The following METTL9 variants were observed in gnomAD, a reference collection of about 807,000 sequenced individuals.
METTL9 encodes the protein protein-L-histidine N-pros-methyltransferase.
A neutral mutation model predicts 36.0 loss-of-function variants in METTL9; 10 were observed. That is an observed-to-expected ratio of 0.28 (90% CI 0.17 to 0.47). The LOEUF (loss-of-function observed/expected upper bound fraction) is 0.47. Among genes scored for constraint, METTL9 ranks in the 20% least tolerant of loss-of-function variants. The pLI, the probability that METTL9 is intolerant of heterozygous loss-of-function variation, is 0.99. For synonymous variants in METTL9, 175 were observed against 149.7 expected (o/e 1.17, Z -1.23); for missense variants, 246 against 383.5 (o/e 0.64, Z 3.00).
chr16:21,607,106 G>A (rs1315452513), intron 1 of METTL9, among the ~76,000 whole-genome samples: 1 of 145,334 alleles, frequency 6.9e-6, no homozygotes, highest in African/African-American at 2.6e-5. Flanking sequence ...TGACAGTCTT[G>A]CTTTGTCGCC....
rs1430089335 is a variant in METTL9, at chr16:21,655,084, C to G, written c.752-143C>G. On this transcript the variant is annotated intron_variant, in intron 4 of 4. Transcript: ENST00000358154. ...ATCTGCCCACCTGTCTCAAAGAGTACCTGGGAAGTACAAAAGAGGTAACTC... is the reference window on the plus strand; with the variant it reads ...ATCTGCCCACCTGTCTCAAAGAGTAGCTGGGAAGTACAAAAGAGGTAACTC... 4 of 686,900 alleles carry G rather than the reference C, an allele frequency of 5.8e-6. No individual in the cohort carries two copies. The East Asian group carries it at 1.1e-4, about 19-fold the overall frequency. The allele number at this position is 686,900 out of a possible 1,614,324, so 42.6% of individuals were successfully genotyped here.
intron 4 of METTL9, chr16:21,644,321 C>T: frequency 6.2e-7 from 1 of 1,613,846 alleles, no homozygotes; most frequent in Non-Finnish European, 8.5e-7. Flanking sequence ...CACGCACACA[C>T]CGGTCACATA....
chr16:21,611,232 A>G (rs1735658290), intron 1 of METTL9, among the ~76,000 whole-genome samples: 1 of 152,214 alleles, frequency 6.6e-6, no homozygotes, highest in Non-Finnish European at 1.5e-5. Context: ...GAGTTTGTAA[A>G]ATGATTAATC....
At chr16:21,629,691 C>T (rs746779758) in intron 4 of METTL9, among the ~76,000 whole-genome samples, 1 of 152,152 alleles carries the variant, frequency 6.6e-6, no homozygotes, top group East Asian at 1.9e-4. Flanking sequence ...AGATTTATTG[C>T]AAAGAACGAA....
At chr16:21,643,697 T>C (rs550005068) in intron 4 of METTL9, 4 of 742,866 alleles carry the variant, frequency 5.4e-6, no homozygotes, top group African/African-American at 5.4e-5. Flanking sequence ...AACTTAATAT[T>C]TAAGTGATAT....
chr16:21,638,009 C>T (rs1440346525), intron 4 of METTL9, among the ~76,000 whole-genome samples: 1 of 152,124 alleles, frequency 6.6e-6, no homozygotes, highest in African/African-American at 2.4e-5. Context: ...ATAGGAAACC[C>T]AAATCTAAAC....
intron 4 of METTL9, chr16:21,641,214 T>G: frequency 5.3e-6 from 1 of 188,542 alleles, no homozygotes; most frequent in Non-Finnish European, 1.1e-5. Context: ...CTGAGGCACA[T>G]GGTTTGGCTT....
At chr16:21,612,394 C>T (rs1036713237) in intron 1 of METTL9, 3 of 328,388 alleles carry the variant, frequency 9.1e-6, no homozygotes, top group Non-Finnish European at 1.6e-5. Context: ...AGCCTCTCCA[C>T]CCTTCCCTCA....
chr16:21,633,775 T>C (rs1197333188), intron 4 of METTL9, among the ~76,000 whole-genome samples: 1 of 152,208 alleles, frequency 6.6e-6, no homozygotes, highest in Non-Finnish European at 1.5e-5. Flanking sequence ...GCCTTGAGCT[T>C]TTAAATGTTT....
intron 4 of METTL9, chr16:21,646,812 T>TG: frequency 2.8e-6 from 1 of 356,898 alleles, no homozygotes; most frequent in East Asian, 7.2e-5. Context: ...CATGCCACCA[T>TG]GCGCGGCTAA....
chr16:21,636,378 G>A (rs1966092812), intron 4 of METTL9, among the ~76,000 whole-genome samples: 1 of 152,192 alleles, frequency 6.6e-6, no homozygotes, highest in South Asian at 2.1e-4. Context: ...GACTCCTGGA[G>A]TTTATACTAG....
At chr16:21,626,810 G>C (rs1013102589) in intron 4 of METTL9, 2 of 337,736 alleles carry the variant, frequency 5.9e-6, no homozygotes, top group Non-Finnish European at 8.4e-6. Context: ...CTGGGTTCCT[G>C]TGTCCTGTTG....
intron 4 of METTL9, among the ~76,000 whole-genome samples, chr16:21,628,538 G>T (rs1465361564): frequency 6.6e-6 from 1 of 152,010 alleles, no homozygotes; most frequent in Non-Finnish European, 1.5e-5. Context: ...CTGTTGCCCA[G>T]ACGGGAGTGC....
At chr16:21,616,240 C>G (rs1020942261) in intron 2 of METTL9, among the ~76,000 whole-genome samples, 1 of 152,128 alleles carries the variant, frequency 6.6e-6, no homozygotes, top group African/African-American at 2.4e-5. Flanking sequence ...AAACTGTTTT[C>G]TAGGGTCTGA....
At position 21,599,959 on chromosome 16, in the gene METTL9, C is replaced by T; in HGVS notation, c.165+61C>T. 1 of 1,263,120 alleles carries T rather than the reference C, an allele frequency of 7.9e-7. No individual in the cohort carries two copies. Among genetic ancestry groups the T allele is most frequent in the Non-Finnish European group, 9.9e-7 (1 of 1,005,450 alleles). The allele number at this position is 1,263,120 out of a possible 1,614,324, so 78.2% of individuals were successfully genotyped here. A position where few individuals can be genotyped will look rare whatever the true frequency, so the allele number is the denominator to read the frequency against. On this transcript the variant is annotated intron_variant, in intron 1 of 4. Coordinates refer to ENST00000358154, the MANE Select transcript of METTL9 (RefSeq NM_016025.5). The surrounding 1 kb of genome is among the most constrained non-coding windows in gnomAD (Gnocchi z 4.4). ...GCGGCCCGGCCTTCCCGCGCTGGGC[C>T]CGGCTATTGTGCGGGACGGCTCCGC...
chr16:21,652,470 A>AT, intron 4 of METTL9: 7 of 1,282,456 alleles, frequency 5.5e-6, no homozygotes, highest in Non-Finnish European at 7.9e-6. Context: ...ATATAAATGC[A>AT]TTAGGTGAAA....
intron 1 of METTL9, among the ~76,000 whole-genome samples, chr16:21,606,665 G>T (rs1205710516): frequency 2.0e-5 from 3 of 152,034 alleles, no homozygotes; most frequent in Admixed American, 6.5e-5. Context: ...AAGCTGTCTG[G>T]GTCTCCCACC....
chr16:21,645,703 T>G (rs570351574), intron 4 of METTL9, among the ~76,000 whole-genome samples: 19 of 152,316 alleles, frequency 1.2e-4, no homozygotes, highest in African/African-American at 4.6e-4. Context: ...ACCTTCATCT[T>G]TTTACAAGCC....
At chr16:21,647,565 T>C in intron 4 of METTL9, 1 of 1,515,544 alleles carries the variant, frequency 6.6e-7, no homozygotes, top group Non-Finnish European at 8.9e-7. Context: ...ATTTTTGAGG[T>C]AGGAAACCCA....
Sources: gnomAD v4.1 joint callset for allele counts (sites outside exome capture counted in the v4.1 genomes callset) on GRCh38, gnomAD v4.1.1 for gene constraint, Gnocchi (gnomAD v3.1) non-coding constraint, MANE v1.5 for transcripts, NCBI Gene and HGNC (gene_info 2026-07-23, HGNC 2026-07-21) for gene names.